Variants in TMCO5A observed in about 807,000 individuals in gnomAD.
The protein encoded by TMCO5A is transmembrane and coiled-coil domain-containing protein 5A.
In TMCO5A, 34 loss-of-function variants were observed where a neutral mutation model predicts 42.3. The ratio of observed to expected loss-of-function variants is 0.80; its 90% confidence interval spans 0.61 to 1.07. TMCO5A has a LOEUF of 1.07. TMCO5A is among the 50% of genes least tolerant of loss of function. The pLI, the probability that TMCO5A is intolerant of heterozygous loss-of-function variation, is 0.00. For synonymous variants in TMCO5A, 131 were observed against 115.6 expected (o/e 1.13, Z -0.86); for missense variants, 357 against 327.9 (o/e 1.09, Z -0.69).
chr15:38,011,908 A>G, the TMCO5A span, among the ~76,000 whole-genome samples: 6 of 152,148 alleles, frequency 3.9e-5, no homozygotes, highest in Non-Finnish European at 7.4e-5. Context: ...GCAGATCACA[A>G]GGTCATGAGA....
the TMCO5A span, among the ~76,000 whole-genome samples, chr15:37,976,043 C>T: frequency 6.7e-6 from 1 of 149,194 alleles, no homozygotes; most frequent in East Asian, 1.9e-4. Flanking sequence ...CAGGAGTTTG[C>T]GACTAGCCTG....
intron 10 of TMCO5A, chr15:37,943,875 CAG>C (rs1156389391): frequency 1.3e-5 from 2 of 155,186 alleles, no homozygotes; most frequent in Non-Finnish European, 2.9e-5. Context: ...TTCTTTGTGA[CAG>C]AGTTTCAGTG....
chr15:38,005,138 G>A, the TMCO5A span, among the ~76,000 whole-genome samples: 2 of 151,964 alleles, frequency 1.3e-5, no homozygotes, highest in South Asian at 2.1e-4. Context: ...GTATGCCCTT[G>A]TAGGTCTTAA....
chr15:37,964,979 A>C (rs1393760874), intron 11 of TMCO5A, among the ~76,000 whole-genome samples: 1 of 152,188 alleles, frequency 6.6e-6, no homozygotes, highest in Non-Finnish European at 1.5e-5. Flanking sequence ...AAAAAGAATA[A>C]AACAGGAGGA....
the TMCO5A span, among the ~76,000 whole-genome samples, chr15:38,027,797 C>T: frequency 6.6e-6 from 1 of 152,096 alleles, no homozygotes; most frequent in East Asian, 1.9e-4. Context: ...TGAGTTCTCA[C>T]CAGATCTGAT....
chr15:38,038,008 G>A, the TMCO5A span, among the ~76,000 whole-genome samples: 20 of 147,872 alleles, frequency 1.4e-4, no homozygotes, highest in Admixed American at 9.5e-4. Context: ...GTGAGACTCC[G>A]TCTCAAAAAA....
intron 11 of TMCO5A, among the ~76,000 whole-genome samples, chr15:37,950,340 A>G (rs1266833634): frequency 1.3e-5 from 2 of 152,290 alleles, no homozygotes; most frequent in South Asian, 2.1e-4. Flanking sequence ...GATCCTAATT[A>G]AAGAAAAGAT....
At chr15:38,018,249 G>T in the TMCO5A span, among the ~76,000 whole-genome samples, 1 of 152,030 alleles carries the variant, frequency 6.6e-6, no homozygotes, top group Non-Finnish European at 1.5e-5. Context: ...AAAGTCAACA[G>T]GCTAAGAGAA....
the TMCO5A span, chr15:38,025,162 G>GTGTGTGTGTGT: frequency 1.4e-5 from 2 of 147,598 alleles, no homozygotes; most frequent in African/African-American, 5.0e-5. Flanking sequence ...ACAGCTTTTG[G>GTGTGTGTGTGT]GTGTGTGTGT....
At chr15:37,937,209 C>A (rs2140256178) in intron 4 of TMCO5A, 137 bp from the exon 5 acceptor site, 1 of 1,145,020 alleles carries the variant, frequency 8.7e-7, no homozygotes. Flanking sequence ...GGTTTGATTT[C>A]AATATACACA....
chr15:38,016,919 T>C, the TMCO5A span, among the ~76,000 whole-genome samples: 2,284 of 152,102 alleles, frequency 0.015, 51 homozygotes, highest in African/African-American at 0.052. Context: ...CTTTTTTTTT[T>C]CCAACTATTT....
chr15:38,003,222 G>GTC, the TMCO5A span, among the ~76,000 whole-genome samples: 146 of 147,154 alleles, frequency 9.9e-4, 1 homozygote, highest in African/African-American at 3.0e-3. Flanking sequence ...CCCAAACAGA[G>GTC]TCTCTCTCTC....
intron 10 of TMCO5A, among the ~76,000 whole-genome samples, chr15:37,945,888 G>T (rs929322603): frequency 2.0e-5 from 3 of 152,078 alleles, no homozygotes; most frequent in Admixed American, 2.0e-4. Context: ...TATCCCACTT[G>T]TCTAATTTTG....
downstream of TMCO5A, among the ~76,000 whole-genome samples, chr15:37,972,631 TG>T (rs1324925522): frequency 6.6e-6 from 1 of 152,192 alleles, no homozygotes; most frequent in Non-Finnish European, 1.5e-5. Flanking sequence ...TTAATGGGGT[TG>T]TTTTTTTCTT....
the TMCO5A span, among the ~76,000 whole-genome samples, chr15:37,995,761 A>G: frequency 2.3e-3 from 357 of 152,282 alleles, 3 homozygotes; most frequent in African/African-American, 8.2e-3. Context: ...ATGAGGACTC[A>G]GAAAAGATAT....
chr15:38,029,690 T>C, the TMCO5A span, among the ~76,000 whole-genome samples: 1 of 152,178 alleles, frequency 6.6e-6, no homozygotes, highest in Non-Finnish European at 1.5e-5. Context: ...GCTCAAGTGA[T>C]CCACCTGCCT....
the TMCO5A span, among the ~76,000 whole-genome samples, chr15:37,987,722 A>G: frequency 3.9e-5 from 6 of 151,978 alleles, no homozygotes; most frequent in South Asian, 2.1e-4. Flanking sequence ...CCATTGGCCA[A>G]TGTGTCTGTC....
At chr15:37,952,783 C>A (rs1021283564), downstream of TMCO5A, among the ~76,000 whole-genome samples, 1 of 152,202 alleles carries the variant, frequency 6.6e-6, no homozygotes, top group African/African-American at 2.4e-5. Context: ...GGACTTGGCT[C>A]TTGGAATACA....
chr15:38,003,866 C>G, the TMCO5A span, among the ~76,000 whole-genome samples: 2 of 151,942 alleles, frequency 1.3e-5, no homozygotes, highest in African/African-American at 4.8e-5. Context: ...TCAGGAACCC[C>G]AGGAGCCCAC....
Sources: allele counts gnomAD v4.1 joint callset (sites outside exome capture counted in the v4.1 genomes callset), GRCh38; gene constraint gnomAD v4.1.1; transcripts MANE v1.5; gene names NCBI Gene and HGNC (gene_info 2026-07-23, HGNC 2026-07-21).